DIPK1A: variants seen among roughly 807,000 people sequenced by gnomAD.
DIPK1A encodes family with sequence similarity 69 member A.
A neutral mutation model predicts 40.8 loss-of-function variants in DIPK1A; 27 were observed. The ratio of observed to expected loss-of-function variants is 0.66; its 90% CI spans 0.49 to 0.91. The LOEUF is 0.91. DIPK1A is among the 40% of genes least tolerant of loss of function. The pLI is 0.00. For synonymous variants in DIPK1A, 166 were observed against 171.3 expected, an observed-to-expected ratio of 0.97 and a Z score of 0.24; for missense variants, 412 against 505.7, an observed-to-expected ratio of 0.81 and a Z score of 1.78.
At chr1:92,906,424 G>A (rs764281322) in intron 1 of DIPK1A, among the ~76,000 whole-genome samples, 8 of 152,196 alleles carry the variant, frequency 5.3e-5, no homozygotes, top group East Asian at 1.9e-4. Flanking sequence ...AAAATGGTTT[G>A]GAATTTGTCA....
At chr1:92,878,465 A>G (rs905572457) in intron 1 of DIPK1A, among the ~76,000 whole-genome samples, 4 of 152,092 alleles carry the variant, frequency 2.6e-5, no homozygotes, top group African/African-American at 9.7e-5. Context: ...CAGGCGAACA[A>G]CTTGAGGTGA....
chr1:92,939,121 C>T (rs1373311940), intron 1 of DIPK1A, among the ~76,000 whole-genome samples: 1 of 152,122 alleles, frequency 6.6e-6, no homozygotes, highest in Non-Finnish European at 1.5e-5. Flanking sequence ...AGACTGGTCT[C>T]GAACTCCTGA....
intron 3 of DIPK1A, among the ~76,000 whole-genome samples, chr1:92,849,617 A>G (rs1362492661): frequency 6.6e-6 from 1 of 151,972 alleles, no homozygotes; most frequent in East Asian, 1.9e-4. Context: ...GGTTCAAGCG[A>G]TTCTTGTGCC....
chr1:92,876,334 T>C lies in DIPK1A; in HGVS notation c.151A>G (p.Thr51Ala), dbSNP rs1299160269. The C allele has an allele frequency of 2.5e-6, 4 of 1,596,282 alleles. No homozygotes were observed. Among genetic ancestry groups the C allele is most frequent in the Non-Finnish European group, 3.4e-6 (4 of 1,166,834 alleles). The change falls in exon 2 of 5, where the codon ACA (threonine) becomes GCA (alanine). Residue 51 changes from threonine (T) to alanine (A), a missense_variant. Transcript: ENST00000370310. ...WIIYVQYSTY[T>A]ELCRGKDCKK... is the part of the protein sequence containing the mutation. ...CAGTCCTTTCCTCTGCATAATTCTGTATAGGTAGAATACTGCACATATATA... is the reference window on the plus strand; with the variant it reads ...CAGTCCTTTCCTCTGCATAATTCTGCATAGGTAGAATACTGCACATATATA...
At chr1:92,960,492 G>A (rs963717241) in intron 1 of DIPK1A, among the ~76,000 whole-genome samples, 1 of 152,180 alleles carries the variant, frequency 6.6e-6, no homozygotes, top group African/African-American at 2.4e-5. Context: ...CCATCGGAGT[G>A]ATGGATTTGC....
At chr1:92,906,802 C>G (rs1183467849) in intron 1 of DIPK1A, among the ~76,000 whole-genome samples, 1 of 152,108 alleles carries the variant, frequency 6.6e-6, no homozygotes, top group Non-Finnish European at 1.5e-5. Flanking sequence ...GACCTAAAAC[C>G]AGCCTACCTG....
At chr1:92,885,616 A>G (rs1002392691) in intron 1 of DIPK1A, among the ~76,000 whole-genome samples, 1 of 152,190 alleles carries the variant, frequency 6.6e-6, no homozygotes, top group Admixed American at 6.5e-5. Context: ...TCGGCCTCCC[A>G]AAGTTCTGGG....
Position 92,936,514 on chromosome 1 carries a change from A to C in DIPK1A, c.54+24862T>G, listed in dbSNP as rs190630916. Among the ~76,000 whole-genome samples, 572 of 152,026 alleles carry C rather than the reference A, an allele frequency of 3.8e-3. 1 individual carries two copies. The highest frequency in any genetic ancestry group is 6.0e-3 in the Non-Finnish European group (408 of 67,950). The stretch of plus-strand genomic sequence containing the variant: ...CATGGTGGTGCATGCCTATAATCCC[A>C]GGTACTCAGGAGGCTGAGGCAGAAG... On this transcript the variant is annotated intron_variant, in intron 1 of 4. Coordinates refer to ENST00000370310, the MANE Select transcript of DIPK1A (RefSeq NM_001006605.5).
At chr1:92,860,056 T>C (rs779749048) in intron 2 of DIPK1A, among the ~76,000 whole-genome samples, 2 of 152,216 alleles carry the variant, frequency 1.3e-5, no homozygotes, top group Non-Finnish European at 2.9e-5. Context: ...AAATGAATGA[T>C]AACTGGTAAA....
chr1:92,904,720 T>A (rs1649539705), intron 1 of DIPK1A, among the ~76,000 whole-genome samples: 1 of 152,152 alleles, frequency 6.6e-6, no homozygotes, highest in Admixed American at 6.5e-5. Flanking sequence ...CTGTTGACTA[T>A]AATTACTGTT....
intron 1 of DIPK1A, among the ~76,000 whole-genome samples, chr1:92,911,456 C>A (rs916511606): frequency 6.6e-6 from 1 of 152,164 alleles, no homozygotes; most frequent in African/African-American, 2.4e-5. Flanking sequence ...ATTTATGGTA[C>A]TTTGTTACAG....
chr1:92,848,854 A>G (rs1382629439), intron 3 of DIPK1A, among the ~76,000 whole-genome samples: 1 of 152,200 alleles, frequency 6.6e-6, no homozygotes, highest in Non-Finnish European at 1.5e-5. Flanking sequence ...ATTAGTTTAA[A>G]TTTCTATAAT....
At position 92,960,423 on chromosome 1, in the gene DIPK1A, G is replaced by A. The variant is rs780337099; in HGVS notation, c.54+953C>T. Among the ~76,000 whole-genome samples, 11 of 152,264 alleles carry A rather than the reference G, an allele frequency of 7.2e-5. No homozygotes were observed. In the South Asian group the frequency reaches 2.1e-3, roughly 29 times the overall value. ...AAGCGGTAAAGGAATACTGTCCTCTGAATGCAGCGTTGGCTAACACTGCTG... is the reference window on the plus strand; with the variant it reads ...AAGCGGTAAAGGAATACTGTCCTCTAAATGCAGCGTTGGCTAACACTGCTG... On this transcript the variant is annotated intron_variant, in intron 1 of 4. Transcript: ENST00000370310.
rs146197145 is a variant in DIPK1A at position 92,851,000 on chromosome 1, CAAG to C, written c.190-48_190-46del. On this transcript the variant is annotated intron_variant, in intron 2 of 4. Coordinates refer to ENST00000370310, the MANE Select transcript of DIPK1A (RefSeq NM_001006605.5). ...AAAGTAGTTAATAGAAAAATATTCA[CAAG>C]AAGAAGCATAAAGAGATATCTATAT... is the stretch of plus-strand genomic sequence containing the variant. 105 of 1,209,508 alleles carry C rather than the reference CAAG, an allele frequency of 8.7e-5. No individual in the cohort carries two copies. In the African/African-American group the frequency reaches 1.4e-3, roughly 16 times the overall value. 74.9% of individuals were successfully genotyped at this position (1,209,508 alleles called of 1,614,324 possible). A position where few individuals can be genotyped will look rare whatever the true frequency, so the allele number is the denominator to read the frequency against.
intron 1 of DIPK1A, among the ~76,000 whole-genome samples, chr1:92,879,373 T>C (rs765972279): frequency 1.3e-5 from 2 of 152,230 alleles, no homozygotes; most frequent in African/African-American, 2.4e-5. Flanking sequence ...TATTTAAATA[T>C]TTTTCTTTTC....
At chr1:92,851,394 T>A (rs1195134032) in intron 2 of DIPK1A, among the ~76,000 whole-genome samples, 1 of 151,358 alleles carries the variant, frequency 6.6e-6, no homozygotes, top group Non-Finnish European at 1.5e-5. Flanking sequence ...AATAAAAAAA[T>A]GAGCCAGGCG....
downstream of DIPK1A, chr1:92,837,563 T>C (rs1477777637): frequency 6.2e-7 from 1 of 1,612,028 alleles, no homozygotes; most frequent in East Asian, 2.2e-5. Flanking sequence ...CGCTACTTAA[T>C]GGAAGAAGAT....
chr1:92,833,775 G>GTGA (rs1687009826), intron 4 of DIPK1A: 1 of 809,384 alleles, frequency 1.2e-6, no homozygotes, highest in East Asian at 2.6e-5. Flanking sequence ...AAAGCATCCA[G>GTGA]TGAATAATTT....
At chr1:92,960,243 T>C (rs957414439) in intron 1 of DIPK1A, among the ~76,000 whole-genome samples, 4 of 152,112 alleles carry the variant, frequency 2.6e-5, no homozygotes, top group Non-Finnish European at 5.9e-5. Flanking sequence ...CAATTTGCAA[T>C]ACGTCACTCA....
Sources: gnomAD v4.1 joint callset for allele counts (sites outside exome capture counted in the v4.1 genomes callset) on GRCh38, gnomAD v4.1.1 for gene constraint, MANE v1.5 for transcripts, NCBI Gene and HGNC (gene_info 2026-07-23, HGNC 2026-07-21) for gene names.